PRKN: variants seen among roughly 807,000 people sequenced by gnomAD.
PRKN encodes parkin RBR E3 ubiquitin protein ligase.
A neutral mutation model predicts 59.5 loss-of-function variants in PRKN; 56 were observed. The ratio of observed to expected loss-of-function variants is 0.94; its 90% CI spans 0.76 to 1.18. The LOEUF is 1.18. PRKN is among the 50% of genes most tolerant of loss of function. The pLI is 0.00. For missense variants in PRKN, 657 were observed against 596.4 expected (o/e 1.10, Z -1.06); for synonymous variants, 250 against 222.1 (o/e 1.13, Z -1.12).
intron 6 of PRKN, among the ~76,000 whole-genome samples, chr6:161,854,432 G>C (rs960252945): frequency 6.6e-6 from 1 of 152,114 alleles, no homozygotes. Flanking sequence ...AAAAATGAAA[G>C]CTGCAAAAAG....
chr6:162,113,955 C>G (rs1167684524), intron 4 of PRKN, among the ~76,000 whole-genome samples: 1 of 151,908 alleles, frequency 6.6e-6, no homozygotes, highest in Non-Finnish European at 1.5e-5. Context: ...TTCCCAGCAC[C>G]ATTTATTAAA....
chr6:161,615,879 G>A (rs990128350), intron 7 of PRKN, among the ~76,000 whole-genome samples: 13 of 152,194 alleles, frequency 8.5e-5, no homozygotes, highest in East Asian at 3.9e-4. Flanking sequence ...CCAGGACCAC[G>A]TACCCCGACC....
intron 1 of PRKN, among the ~76,000 whole-genome samples, chr6:162,641,878 C>T (rs943640517): frequency 1.3e-5 from 2 of 152,116 alleles, no homozygotes; most frequent in Non-Finnish European, 2.9e-5. Context: ...AAAATTAACA[C>T]GTTTCATTAT....
chr6:162,622,110 G>C (rs1000636242), intron 1 of PRKN, among the ~76,000 whole-genome samples: 7 of 150,420 alleles, frequency 4.7e-5, no homozygotes, highest in African/African-American at 1.7e-4. Context: ...ACCGCACCCA[G>C]CCTAATCTTC....
chr6:162,715,700 C>T (rs142001336), intron 1 of PRKN, among the ~76,000 whole-genome samples: 4 of 152,164 alleles, frequency 2.6e-5, no homozygotes, highest in Non-Finnish European at 4.4e-5. Context: ...AACCTGAATT[C>T]TCCAGTATGG....
At chr6:162,616,090 T>C (rs1032573080) in intron 1 of PRKN, among the ~76,000 whole-genome samples, 3 of 152,188 alleles carry the variant, frequency 2.0e-5, no homozygotes, top group African/African-American at 7.2e-5. Flanking sequence ...CTATAAATAT[T>C]AGGGTATCCA....
intron 5 of PRKN, among the ~76,000 whole-genome samples, chr6:162,043,683 T>C (rs543202070): frequency 1.6e-4 from 25 of 152,294 alleles, no homozygotes; most frequent in Non-Finnish European, 2.8e-4. Flanking sequence ...CTTTACATAG[T>C]AACCCATTTT....
At chr6:161,974,132 C>T (rs1361020561) in intron 5 of PRKN, among the ~76,000 whole-genome samples, 5 of 152,110 alleles carry the variant, frequency 3.3e-5, no homozygotes, top group Admixed American at 6.5e-5. Flanking sequence ...CCGGGCATGA[C>T]GGCACATGAC....
intron 1 of PRKN, among the ~76,000 whole-genome samples, chr6:162,463,497 G>A (rs1791267021): frequency 6.6e-6 from 1 of 152,122 alleles, no homozygotes; most frequent in Non-Finnish European, 1.5e-5. Flanking sequence ...GGATCAAAGG[G>A]CAGAAGTGCT....
intron 9 of PRKN, among the ~76,000 whole-genome samples, chr6:161,521,248 G>A (rs1380827186): frequency 1.3e-5 from 2 of 152,132 alleles, no homozygotes; most frequent in African/African-American, 2.4e-5. Context: ...TATGAGCAAC[G>A]TATTACCCAT....
chr6:161,595,250 A>C (rs1004030903), intron 7 of PRKN, among the ~76,000 whole-genome samples: 3 of 152,210 alleles, frequency 2.0e-5, no homozygotes, highest in African/African-American at 7.2e-5. Flanking sequence ...AAAAGTTGAG[A>C]GGGAAGTTTT....
At chr6:161,432,355 ATTTTTTTT>A (rs1188841520) in intron 9 of PRKN, among the ~76,000 whole-genome samples, 2 of 92,184 alleles carry the variant, frequency 2.2e-5, no homozygotes, top group African/African-American at 4.5e-5. Context: ...ACTTCCTCTG[ATTTTTTTT>A]TTTTTTTTTT....
At position 161,516,009 on chromosome 6, in the gene PRKN, T is replaced by A. The variant is rs545502064; in HGVS notation, c.1083+32845A>T. On this transcript the variant is annotated intron_variant, in intron 9 of 11. Coordinates refer to ENST00000366898, the MANE Select transcript of PRKN (RefSeq NM_004562.3). ...ATCTCAGTGACCTGTAAGTAGTGCC[T>A]ATAATTATTAAAAATAACCATCAAG... Among the ~76,000 whole-genome samples, 11 of 152,350 alleles carry A rather than the reference T, an allele frequency of 7.2e-5. No homozygotes were observed. The South Asian group carries it at 2.3e-3, about 32-fold the overall frequency.
At chr6:161,427,602 A>G (rs892747928) in intron 9 of PRKN, among the ~76,000 whole-genome samples, 16 of 152,182 alleles carry the variant, frequency 1.1e-4, no homozygotes, top group Non-Finnish European at 2.2e-4. Flanking sequence ...GAAATCTGAC[A>G]TGTGAAAGTG....
intron 4 of PRKN, among the ~76,000 whole-genome samples, chr6:162,132,992 C>T (rs1241925416): frequency 2.6e-5 from 4 of 152,150 alleles, no homozygotes; most frequent in African/African-American, 4.8e-5. Flanking sequence ...TGGCCATTGT[C>T]GGGGCAGCAG....
intron 7 of PRKN, among the ~76,000 whole-genome samples, chr6:161,569,738 T>A (rs2115481130): frequency 6.6e-6 from 1 of 152,280 alleles, no homozygotes; most frequent in East Asian, 1.9e-4. Context: ...ATGTCACTGG[T>A]TCCTCATATA....
chr6:162,235,975 A>AAG (rs1374314124), intron 3 of PRKN, among the ~76,000 whole-genome samples: 1 of 110,622 alleles, frequency 9.0e-6, no homozygotes, highest in African/African-American at 4.6e-5. Flanking sequence ...GAAAGAAAGA[A>AAG]AGAAAGAAAG....
intron 3 of PRKN, among the ~76,000 whole-genome samples, chr6:162,232,323 C>T (rs1778458198): frequency 1.3e-5 from 2 of 152,128 alleles, no homozygotes; most frequent in South Asian, 4.1e-4. Context: ...CTACTGTCCC[C>T]TTCTTCTGCA....
intron 1 of PRKN, among the ~76,000 whole-genome samples, chr6:162,533,970 C>CATAA (rs1778614586): frequency 1.2e-5 from 1 of 82,934 alleles, no homozygotes; most frequent in Non-Finnish European, 2.2e-5. Context: ...GACTCCATCT[C>CATAA]AAAAAAAAAA....
Sources: allele counts gnomAD v4.1 joint callset (sites outside exome capture counted in the v4.1 genomes callset), GRCh38; gene constraint gnomAD v4.1.1; transcripts MANE v1.5; gene names NCBI Gene and HGNC (gene_info 2026-07-23, HGNC 2026-07-21).